The following PLAGL1 variants were observed in gnomAD, a reference collection of about 807,000 sequenced individuals.
PLAGL1 encodes the protein zinc finger protein PLAGL1.
In PLAGL1, 1 loss-of-function variant was observed where a neutral mutation model predicts 4.6. The ratio of observed to expected loss-of-function variants is 0.22; its 90% confidence interval spans 0.08 to 1.03. The LOEUF (loss-of-function observed/expected upper bound fraction) is 1.03. Among genes scored for constraint, PLAGL1 ranks in the 50% least tolerant of loss-of-function variants. The pLI, the probability that PLAGL1 is intolerant of heterozygous loss-of-function variation, is 0.58. For missense variants in PLAGL1, 464 were observed against 570.4 expected (o/e 0.81, Z 1.90); for synonymous variants, 240 against 237.8 (o/e 1.01, Z -0.08).
At position 144,048,320 on chromosome 6, in the gene PLAGL1, C is replaced by T. The variant is rs1255384451; in HGVS notation, c.-151+16148G>A. The stretch of plus-strand genomic sequence containing the variant: ...CTGGAGGACAGTGGCCCTCTTCTCA[C>T]AGCTCCATTAGGCAGTGCCCCAGTG... On this transcript the variant is annotated intron_variant, in intron 1 of 3. Transcript: ENST00000437412. The surrounding 1 kb of genome is among the most constrained non-coding windows in gnomAD (Gnocchi z 4.8). 6.6e-6 allele frequency among the ~76,000 whole-genome samples: 1 copy of T among 152,230 alleles called. No homozygotes were observed. Among genetic ancestry groups the T allele is most frequent in the Non-Finnish European group, 1.5e-5 (1 of 68,040 alleles).
At chr6:144,009,866 G>T (rs1365019512), upstream of PLAGL1, among the ~76,000 whole-genome samples, 4 of 152,178 alleles carry the variant, frequency 2.6e-5, no homozygotes, top group East Asian at 7.7e-4. Flanking sequence ...TTTTATGGCT[G>T]CATAGTATTC....
Position 143,961,270 on chromosome 6 carries a change from C to G in PLAGL1, c.-398-728G>C, listed in dbSNP as rs1168100283. The G allele has an allele frequency of 6.6e-6, 1 of 152,234 alleles. No homozygotes were observed. The highest frequency in any genetic ancestry group is 1.5e-5 in the Non-Finnish European group (1 of 68,044). The allele number at this position is 152,234 out of a possible 1,614,324, so 9.4% of individuals were successfully genotyped here. A position where few individuals can be genotyped will look rare whatever the true frequency, so the allele number is the denominator to read the frequency against. ...GCATTTCCGTTCACCAAGTAATTAT[C>G]AAACTTGGCTTCTTCCTACCAAGGC... On this transcript the variant is annotated intron_variant, in intron 5 of 7. Transcript: ENST00000674357. This position sits in a 1 kb window ranked among gnomAD's most constrained non-coding sequence, Gnocchi z 6.5.
At chr6:144,037,114 C>T (rs1415533490) in intron 1 of PLAGL1, 1 of 154,416 alleles carries the variant, frequency 6.5e-6, no homozygotes, top group Admixed American at 6.5e-5. Context: ...GGCAAGAGTC[C>T]ACCTGATACA....
At chr6:144,051,780 C>T (rs1042552945) in intron 1 of PLAGL1, among the ~76,000 whole-genome samples, 3 of 152,162 alleles carry the variant, frequency 2.0e-5, no homozygotes, top group Middle Eastern at 3.2e-3. Flanking sequence ...GGGGAACTCT[C>T]ATTTTTAAAA....
chr6:143,959,155 G>A lies in PLAGL1; in HGVS notation c.-325+1314C>T, dbSNP rs1240456888. Among the ~76,000 whole-genome samples the A allele has an allele frequency of 2.0e-5, 3 of 152,122 alleles. No individual in the cohort carries two copies. Among genetic ancestry groups the A allele is most frequent in the Non-Finnish European group, 2.9e-5 (2 of 68,020 alleles). On this transcript the variant is annotated intron_variant, in intron 6 of 7. Transcript: ENST00000674357. This position sits in a 1 kb window ranked among gnomAD's most constrained non-coding sequence, Gnocchi z 5.3. ...CTCAATTTCCCACCGCTGCCTGCTC[G>A]CAGCTCCTCCCCAGCAGCTGAGAGC...
chr6:143,978,260 G>C lies in PLAGL1; in HGVS notation c.-544+6875C>G, dbSNP rs1462729379. On this transcript the variant is annotated intron_variant, in intron 2 of 7. Coordinates refer to ENST00000674357, the MANE Select transcript of PLAGL1 (RefSeq NM_001317162.2). This position sits in a 1 kb window ranked among gnomAD's most constrained non-coding sequence, Gnocchi z 4.6. ...TCTCTTTTTCTAGTTTCCAAAGGTGGAAACTGAGGTTATTGATTTTAGGTT... is the reference window on the plus strand; with the variant it reads ...TCTCTTTTTCTAGTTTCCAAAGGTGCAAACTGAGGTTATTGATTTTAGGTT... Among the ~76,000 whole-genome samples, 2 of 152,076 alleles carry C rather than the reference G, an allele frequency of 1.3e-5. No individual in the cohort carries two copies. The highest frequency in any genetic ancestry group is 2.9e-5 in the Non-Finnish European group (2 of 68,000).
In PLAGL1 at chr6:143,995,733, TC is replaced by T. The variant is rs886464812; in HGVS notation, c.-583-10560del. Among the ~76,000 whole-genome samples the T allele has an allele frequency of 4.6e-5, 7 of 152,106 alleles. No homozygotes were observed. Among genetic ancestry groups the T allele is most frequent in the African/African-American group, 1.7e-4 (7 of 41,408 alleles). On this transcript the variant is annotated intron_variant, in intron 1 of 7. Transcript: ENST00000674357. The surrounding 1 kb of genome is among the most constrained non-coding windows in gnomAD (Gnocchi z 4.4). ...TTCCTGAAGACTAAAGGAAGAAAGA[TC>T]ACCCTTTCTACATGTTTCATAATAT...
At chr6:144,051,023 A>G (rs1411453169) in intron 1 of PLAGL1, among the ~76,000 whole-genome samples, 1 of 152,238 alleles carries the variant, frequency 6.6e-6, no homozygotes, top group Non-Finnish European at 1.5e-5. Flanking sequence ...ATCTTAAATC[A>G]GCTTTAAAAT....
At position 143,962,693 on chromosome 6, in the gene PLAGL1, T is replaced by G. The variant is rs973878210; in HGVS notation, c.-399+2094A>C. 6.6e-6 allele frequency among the ~76,000 whole-genome samples: 1 copy of G among 152,252 alleles called. No individual in the cohort carries two copies. Among genetic ancestry groups the G allele is most frequent in the Admixed American group, 6.5e-5 (1 of 15,288 alleles). ...GTTTAGCCGCCTGCTGGGCATTCAC[T>G]GAAACCCACATTGAACAAAGGGATT... On this transcript the variant is annotated intron_variant, in intron 5 of 7. Transcript: ENST00000674357. The surrounding 1 kb of genome is among the most constrained non-coding windows in gnomAD (Gnocchi z 5.3).
At chr6:144,026,068 TC>T (rs1796319811) in intron 1 of PLAGL1, among the ~76,000 whole-genome samples, 1 of 152,170 alleles carries the variant, frequency 6.6e-6, no homozygotes, top group Admixed American at 6.5e-5. Flanking sequence ...CTTATTACTT[TC>T]CCAACCCATT....
chr6:143,945,213 A>C lies in PLAGL1; in HGVS notation c.153-2550T>G, dbSNP rs145067909. ...ACTTGTTTCTTTCCCTCAGTTTTTC[A>C]TCTTACCTTATAACCCATGAAAACA... is the stretch of plus-strand genomic sequence containing the variant. On this transcript the variant is annotated intron_variant, in intron 7 of 7. Coordinates refer to ENST00000674357, the MANE Select transcript of PLAGL1 (RefSeq NM_001317162.2). The surrounding 1 kb of genome is among the most constrained non-coding windows in gnomAD (Gnocchi z 4.2). Among the ~76,000 whole-genome samples the C allele has an allele frequency of 4.1e-3, 627 of 152,222 alleles. 3 individuals are homozygous for C. Among genetic ancestry groups the C allele is most frequent in the Middle Eastern group, 6.8e-3 (2 of 292 alleles).
intron 1 of PLAGL1, among the ~76,000 whole-genome samples, chr6:144,032,184 A>G (rs970444778): frequency 6.6e-5 from 10 of 151,404 alleles, no homozygotes; most frequent in Admixed American, 6.6e-4. Flanking sequence ...GCAGTGACAC[A>G]ATCACAGCTC....
At chr6:143,946,096 C>T (rs959706546) in intron 7 of PLAGL1, among the ~76,000 whole-genome samples, 1 of 152,178 alleles carries the variant, frequency 6.6e-6, no homozygotes, top group Non-Finnish European at 1.5e-5. Flanking sequence ...TACTCAGGTC[C>T]TGCGGTCCAC....
intron 1 of PLAGL1, among the ~76,000 whole-genome samples, chr6:144,035,157 T>C (rs958775054): frequency 1.3e-5 from 2 of 152,064 alleles, no homozygotes; most frequent in African/African-American, 4.8e-5. Flanking sequence ...GATGTATATA[T>C]GAGAGGGAGT....
In PLAGL1 at chr6:144,061,946, C is replaced by T. The variant is rs887811033; in HGVS notation, c.-151+2522G>A. Among the ~76,000 whole-genome samples the T allele has an allele frequency of 1.2e-4, 18 of 152,324 alleles. No individual in the cohort carries two copies. Among genetic ancestry groups the T allele is most frequent in the African/African-American group, 4.3e-4 (18 of 41,574 alleles). ...TAAAACAATGTATCAATTATATTTA[C>T]TATGAATGTAGGACCCATTTTGAGC... On this transcript the variant is annotated intron_variant, in intron 1 of 3. Transcript: ENST00000437412. The surrounding 1 kb of genome is among the most constrained non-coding windows in gnomAD (Gnocchi z 4.4).
chr6:143,944,439 CCT>C (rs1779312721), intron 7 of PLAGL1, among the ~76,000 whole-genome samples: 1 of 152,098 alleles, frequency 6.6e-6, no homozygotes, highest in Admixed American at 6.6e-5. Context: ...ATACCTCCTT[CCT>C]CTGTCACAAA....
Position 144,055,629 on chromosome 6 carries a change from A to C in PLAGL1, c.-151+8839T>G, listed in dbSNP as rs1798910597. Among the ~76,000 whole-genome samples, 1 of 152,016 alleles carries C rather than the reference A, an allele frequency of 6.6e-6. No homozygotes were observed. The highest frequency in any genetic ancestry group is 1.5e-5 in the Non-Finnish European group (1 of 68,014). On this transcript the variant is annotated intron_variant, in intron 1 of 3. Coordinates refer to the PLAGL1 transcript ENST00000437412. This position sits in a 1 kb window ranked among gnomAD's most constrained non-coding sequence, Gnocchi z 5.0. The stretch of plus-strand genomic sequence containing the variant: ...CCATCTCTGCTCTGCCCCAACCCTG[A>C]CCTTCACTTTCATCCTTAGCAAAGT...
rs995808710 is a variant in PLAGL1, at chr6:143,973,835, G to A, written c.-543-4857C>T. On this transcript the variant is annotated intron_variant, in intron 2 of 7. Transcript: ENST00000674357. This position sits in a 1 kb window ranked among gnomAD's most constrained non-coding sequence, Gnocchi z 6.2. ...TTAGTAAGGGGTGATCTCCAGAGCT[G>A]CAGTTTCTAGGGTTACCCTAAGGGG... Among the ~76,000 whole-genome samples, 1 of 152,182 alleles carries A rather than the reference G, an allele frequency of 6.6e-6. No individual in the cohort carries two copies. The highest frequency in any genetic ancestry group is 6.5e-5 in the Admixed American group (1 of 15,276).
intron 1 of PLAGL1, among the ~76,000 whole-genome samples, chr6:144,040,659 T>C (rs1797658439): frequency 6.6e-6 from 1 of 152,164 alleles, no homozygotes; most frequent in African/African-American, 2.4e-5. Flanking sequence ...GTCAGATCAC[T>C]TGAGGCCAGG....
Sources: allele counts gnomAD v4.1 joint callset (sites outside exome capture counted in the v4.1 genomes callset), GRCh38; gene constraint gnomAD v4.1.1; non-coding constraint Gnocchi (gnomAD v3.1); transcripts MANE v1.5; gene names NCBI Gene and HGNC (gene_info 2026-07-23, HGNC 2026-07-21).